FOXP1: variants seen among roughly 807,000 people sequenced by gnomAD.
FOXP1 encodes the protein forkhead box P1.
FOXP1 carries 15 observed loss-of-function variants against 98.2 expected under a neutral mutation model. That is an observed-to-expected ratio of 0.15 (90% CI 0.10 to 0.24). FOXP1 has a LOEUF of 0.24. Among genes scored for constraint, FOXP1 ranks in the 10% least tolerant of loss-of-function variants. The pLI is 1.00. For missense variants in FOXP1, 633 were observed against 848.5 expected, an observed-to-expected ratio of 0.75 and a Z score of 3.15; for synonymous variants, 371 against 314.5, an observed-to-expected ratio of 1.18 and a Z score of -1.90.
intron 1 of FOXP1, chr3:71,582,862 G>A: frequency 1.1e-6 from 1 of 950,304 alleles, no homozygotes; most frequent in Non-Finnish European, 1.3e-6. Context: ...TCGGGGTAAC[G>A]CGCGCGTGGC....
intron 5 of FOXP1, among the ~76,000 whole-genome samples, chr3:71,275,610 A>C (rs1383139657): frequency 6.6e-6 from 1 of 152,272 alleles, no homozygotes; most frequent in Non-Finnish European, 1.5e-5. Flanking sequence ...AGAACAAAAC[A>C]TACCGAGGCA....
chr3:71,544,144 T>C (rs1430824631), intron 2 of FOXP1, among the ~76,000 whole-genome samples: 4 of 151,796 alleles, frequency 2.6e-5, no homozygotes, highest in Non-Finnish European at 5.9e-5. Context: ...TACATACAAG[T>C]GACCAATGCC....
At chr3:71,497,885 A>G (rs2091524623) in intron 2 of FOXP1, among the ~76,000 whole-genome samples, 1 of 152,212 alleles carries the variant, frequency 6.6e-6, no homozygotes, top group Non-Finnish European at 1.5e-5. Context: ...TTAAAAGCCC[A>G]TTGAAATATT....
At chr3:71,583,821 G>A, upstream of FOXP1, 1 of 987,894 alleles carries the variant, frequency 1.0e-6, no homozygotes. Context: ...GGCGGCGGCG[G>A]CGGCAGAGGC....
At chr3:70,967,520 T>A (rs1342709099) in intron 19 of FOXP1, among the ~76,000 whole-genome samples, 1 of 152,150 alleles carries the variant, frequency 6.6e-6, no homozygotes. Context: ...GGTGAACTCA[T>A]TTTGATGAAC....
chr3:71,026,066 T>G (rs1338063166), intron 11 of FOXP1, among the ~76,000 whole-genome samples: 1 of 152,156 alleles, frequency 6.6e-6, no homozygotes, highest in Non-Finnish European at 1.5e-5. Flanking sequence ...TATGAAAACA[T>G]ACCAACTCAT....
intron 10 of FOXP1, among the ~76,000 whole-genome samples, chr3:71,041,821 T>C (rs2048385190): frequency 2.0e-5 from 3 of 152,164 alleles, no homozygotes; most frequent in African/African-American, 7.2e-5. Flanking sequence ...TCCCAAGTGT[T>C]ATTTCTCAAT....
intron 7 of FOXP1, among the ~76,000 whole-genome samples, chr3:71,105,810 ATATACT>A (rs1316634331): frequency 6.6e-6 from 1 of 152,156 alleles, no homozygotes. Context: ...ACAAATAAAG[ATATACT>A]TAGGGTAATT....
intron 3 of FOXP1, among the ~76,000 whole-genome samples, chr3:71,397,512 G>A (rs2081617258): frequency 6.6e-6 from 1 of 152,220 alleles, no homozygotes. Flanking sequence ...GACGGGCCTT[G>A]GGGCCAGTTT....
intron 6 of FOXP1, among the ~76,000 whole-genome samples, chr3:71,123,241 T>C (rs1468686309): frequency 1.3e-5 from 2 of 152,192 alleles, no homozygotes; most frequent in East Asian, 3.9e-4. Context: ...GGACCAGCCC[T>C]GCATCTGAAT....
chr3:71,560,701 T>C (rs2046468387), intron 2 of FOXP1, among the ~76,000 whole-genome samples: 2 of 152,214 alleles, frequency 1.3e-5, no homozygotes, highest in Non-Finnish European at 2.9e-5. Flanking sequence ...GGTATATCTA[T>C]ACAATGAAAT....
intron 19 of FOXP1, among the ~76,000 whole-genome samples, chr3:70,968,157 A>G (rs1007993167): frequency 6.6e-6 from 1 of 152,150 alleles, no homozygotes; most frequent in African/African-American, 2.4e-5. Context: ...AAGCACTTAT[A>G]CTGATCCCTG....
At position 71,043,578 on chromosome 3, in the gene FOXP1, G is replaced by A. The variant is rs72964068; in HGVS notation, c.665-2046C>T. Among the ~76,000 whole-genome samples the A allele has an allele frequency of 8.3e-3, 1,261 of 152,250 alleles. 13 individuals carry two copies. The highest frequency in any genetic ancestry group is 0.029 in the African/African-American group (1,193 of 41,550). ...ACAATAGTTAATAGGCTTGTCTGTT[G>A]ATGATGGCATACTGATATAAAACCA... On this transcript the variant is annotated intron_variant, in intron 10 of 20. Transcript: ENST00000649528.
intron 20 of FOXP1, among the ~76,000 whole-genome samples, chr3:70,962,239 A>T (rs1252047594): frequency 4.6e-5 from 7 of 152,322 alleles, no homozygotes; most frequent in Non-Finnish European, 7.3e-5. Flanking sequence ...GTTTCTGAAT[A>T]CTAGGCATTT....
chr3:71,571,569 C>T (rs1477168419), intron 2 of FOXP1: 1 of 152,176 alleles, frequency 6.6e-6, no homozygotes, highest in Non-Finnish European at 1.5e-5. Flanking sequence ...TTCCAATCTT[C>T]CCTGGCTGGT....
intron 6 of FOXP1, among the ~76,000 whole-genome samples, chr3:71,125,281 A>C (rs1428420568): frequency 6.6e-6 from 1 of 152,204 alleles, no homozygotes; most frequent in Non-Finnish European, 1.5e-5. Context: ...AATGTGGTCA[A>C]GGTCACGCAG....
intron 3 of FOXP1, among the ~76,000 whole-genome samples, chr3:71,418,741 G>A (rs1405967083): frequency 2.0e-5 from 3 of 152,094 alleles, no homozygotes; most frequent in Non-Finnish European, 4.4e-5. Flanking sequence ...ACAATATTTT[G>A]TCCAGTTAGC....
At chr3:71,125,734 T>TG (rs1343372942) in intron 6 of FOXP1, among the ~76,000 whole-genome samples, 1 of 152,162 alleles carries the variant, frequency 6.6e-6, no homozygotes, top group Non-Finnish European at 1.5e-5. Context: ...TCTGGGAATA[T>TG]GGGGGAATTA....
chr3:71,047,799 C>T (rs976026185), intron 9 of FOXP1, among the ~76,000 whole-genome samples: 1 of 152,170 alleles, frequency 6.6e-6, no homozygotes, highest in African/African-American at 2.4e-5. Context: ...GGTGGCTTGT[C>T]CTGCTTCCCC....
Sources: gnomAD v4.1 joint callset for allele counts (sites outside exome capture counted in the v4.1 genomes callset) on GRCh38, gnomAD v4.1.1 for gene constraint, MANE v1.5 for transcripts, NCBI Gene and HGNC (gene_info 2026-07-23, HGNC 2026-07-21) for gene names.